NCSTN: variants seen among roughly 807,000 people sequenced by gnomAD.
NCSTN encodes the protein anterior pharynx-defective 2.
A neutral mutation model predicts 87.0 loss-of-function variants in NCSTN; 22 were observed. The ratio of observed to expected loss-of-function variants is 0.25; its 90% CI spans 0.18 to 0.36. The LOEUF is 0.36. Ranked by LOEUF, NCSTN falls within the 10% of genes least tolerant of loss-of-function variation. The pLI is 1.00. For missense variants in NCSTN, 693 were observed against 883.3 expected (o/e 0.78, Z 2.73); for synonymous variants, 306 against 327.1 (o/e 0.94, Z 0.69).
chr1:160,347,142 G>C (rs915478222), intron 2 of NCSTN, among the ~76,000 whole-genome samples: 1 of 152,216 alleles, frequency 6.6e-6, no homozygotes, highest in East Asian at 1.9e-4. Flanking sequence ...TGCCAGTACA[G>C]AGAAACAAGA....
chr1:160,353,689 C>T (rs1158247437), intron 10 of NCSTN: 1 of 985,226 alleles, frequency 1.0e-6, no homozygotes, highest in East Asian at 1.1e-4. Context: ...GGTCCTCTTT[C>T]TGCAATTCCA....
chr1:160,346,464 C>T (rs1648497017), intron 2 of NCSTN, among the ~76,000 whole-genome samples: 1 of 152,166 alleles, frequency 6.6e-6, no homozygotes, highest in African/African-American at 2.4e-5. Context: ...AGGACTTGTT[C>T]GTGGAAGCAG....
intron 3 of NCSTN, 139 bp downstream of exon 3, chr1:160,349,261 A>G (rs1648698693): frequency 8.1e-7 from 1 of 1,239,798 alleles, no homozygotes; most frequent in African/African-American, 1.5e-5. Flanking sequence ...CTCAGAAGGA[A>G]AGGTGTACCA....
chr1:160,350,453 CA>C (rs5778159), intron 5 of NCSTN, among the ~76,000 whole-genome samples: 50,413 of 98,732 alleles, frequency 0.51, 9,343 homozygotes, highest in Middle Eastern at 0.6. Flanking sequence ...CCCTGTGTCA[CA>C]AAAAAAAAAA....
chr1:160,351,105 C>A, intron 5 of NCSTN, 117 bp from the exon 6 acceptor site: 1 of 1,040,524 alleles, frequency 9.6e-7, no homozygotes, highest in Non-Finnish European at 1.5e-6. Context: ...GGATAAATGT[C>A]TCCGAAAAGG....
At chr1:160,352,307 T>A in intron 8 of NCSTN, 101 bp downstream of exon 8, 3 of 1,448,926 alleles carry the variant, frequency 2.1e-6, no homozygotes, top group Non-Finnish European at 2.9e-6. Flanking sequence ...TGACCTAAGT[T>A]GTTAACCAGC....
In NCSTN at chr1:160,356,600, G is replaced by A. The variant is rs778954199; in HGVS notation, c.1640G>A (p.Gly547Asp). 1.9e-6 allele frequency: 3 copies of A among 1,614,094 alleles called. No homozygotes were observed. Among genetic ancestry groups the A allele is most frequent in the South Asian group, 1.1e-5 (1 of 91,074 alleles). Residue 547 changes from glycine (G) to aspartate (D), a missense_variant and splice_region_variant, in exon 15 of 17, where the codon GGT (glycine) becomes GAT (aspartate). This residue lies in a region of NCSTN where 216 missense variants were observed against 311.7 expected (regional missense o/e 0.69). Transcript: ENST00000294785. The part of the protein sequence containing the change: ...ILRQDLRSYL[G>D]DGPLQHYIAV... ...TCCCTTCCCTTTGGTCTGCACTCAGGTGACGGGCCTCTTCAACATTACATC... is the reference window on the plus strand; with the variant it reads ...TCCCTTCCCTTTGGTCTGCACTCAGATGACGGGCCTCTTCAACATTACATC...
At chr1:160,351,411 G>C in intron 6 of NCSTN, 39 bp downstream of exon 6, 1 of 1,605,816 alleles carries the variant, frequency 6.2e-7, no homozygotes, top group Non-Finnish European at 8.5e-7. Context: ...TGGAATAAGG[G>C]GCAGAGGGAG....
intron 1 of NCSTN, chr1:160,343,846 C>T (rs1430498869): frequency 9.7e-6 from 5 of 516,828 alleles, no homozygotes; most frequent in Admixed American, 7.0e-5. Context: ...CTTTTTGAGA[C>T]GAAAGCAATC....
rs933097101 is a variant in NCSTN, at chr1:160,349,463, C to G, written c.315-86C>G. On this transcript the variant is annotated intron_variant, in intron 3 of 16. Transcript: ENST00000294785. ...AGTCAACAGTTTGATTCCCCTAGTT[C>G]CCCATTTGTTTCCATCCTGCAGGCA... 3.9e-6 allele frequency: 6 copies of G among 1,536,716 alleles called. No individual in the cohort carries two copies. The African/African-American group carries it at 5.5e-5, about 14-fold the overall frequency.
chr1:160,354,856 G>A (rs1446881681), intron 11 of NCSTN, among the ~76,000 whole-genome samples: 1 of 152,060 alleles, frequency 6.6e-6, no homozygotes, highest in East Asian at 1.9e-4. Flanking sequence ...GGATAACAGG[G>A]GACTTCTTAC....
At chr1:160,349,446 G>A in intron 3 of NCSTN, 103 bp from the exon 4 acceptor site, 1 of 1,468,808 alleles carries the variant, frequency 6.8e-7, no homozygotes, top group African/African-American at 1.4e-5. Flanking sequence ...TAAGTCAACA[G>A]TTTGATTCCC....
chr1:160,354,157 G>A lies in NCSTN; in HGVS notation c.1219G>A (p.Gly407Ser). The change falls in exon 11 of 17, where the codon GGT (glycine) becomes AGT (serine). Residue 407 changes from glycine to serine, a missense_variant. Gly to Ser is a moderately conservative substitution (Grantham distance 56). Transcript: ENST00000294785. ...GGCCACATTGGAGAAGAGTGGTGCTGGTGTCCCTGCTGTCATCCTCAGGAG... is the reference window on the plus strand; with the variant it reads ...GGCCACATTGGAGAAGAGTGGTGCTAGTGTCCCTGCTGTCATCCTCAGGAG... The part of the protein sequence containing the change: ...LLATLEKSGA[G>S]VPAVILRRPN... 6.2e-7 allele frequency: 1 copy of A among 1,614,128 alleles called. No individual in the cohort carries two copies. Among genetic ancestry groups the A allele is most frequent in the Non-Finnish European group, 8.5e-7 (1 of 1,180,022 alleles).
chr1:160,356,328 G>A lies in NCSTN; in HGVS notation c.1620G>A (p.Gln540=). The A allele has an allele frequency of 6.2e-7, 1 of 1,612,662 alleles. No individual in the cohort carries two copies. Among genetic ancestry groups the A allele is most frequent in the South Asian group, 1.1e-5 (1 of 91,054 alleles). ...NNSWFQSILR[Q]DLRSYLGDGP... is the part of the protein sequence containing the mutation. ...CATGGTTCCAGTCTATCCTCAGGCA[G>A]GACCTAAGGTCCTACTTGGGTAAGC... is the stretch of plus-strand genomic sequence containing the variant. Residue 540 remains glutamine, a synonymous_variant, in exon 14 of 17, where the codon CAG becomes CAA. Coordinates refer to ENST00000294785, the MANE Select transcript of NCSTN (RefSeq NM_015331.3).
intron 6 of NCSTN, 55 bp from the exon 7 acceptor site, chr1:160,351,641 A>C: frequency 6.8e-7 from 1 of 1,471,892 alleles, no homozygotes; most frequent in Non-Finnish European, 9.5e-7. Flanking sequence ...TGTTGCCTTT[A>C]TAGCTACCTT....
intron 9 of NCSTN, 23 bp downstream of exon 9, chr1:160,353,014 C>T: frequency 6.2e-7 from 1 of 1,603,036 alleles, no homozygotes; most frequent in Non-Finnish European, 8.5e-7. Context: ...TCCCCCAGCC[C>T]CTTCCTTTTT....
intron 8 of NCSTN, 43 bp downstream of exon 8, chr1:160,352,249 G>A: frequency 6.2e-7 from 1 of 1,612,324 alleles, no homozygotes; most frequent in Non-Finnish European, 8.5e-7. Context: ...GGAAGAAAGA[G>A]GATAGTAAAG....
chr1:160,350,710 G>A (rs547150196), intron 5 of NCSTN, among the ~76,000 whole-genome samples: 2 of 145,862 alleles, frequency 1.4e-5, no homozygotes, highest in Non-Finnish European at 2.9e-5. Context: ...CACTAGTATC[G>A]TTAAAAAAAA....
chr1:160,343,847 G>GA (rs1195108644), intron 1 of NCSTN: 3 of 519,720 alleles, frequency 5.8e-6, no homozygotes. Context: ...TTTTTGAGAC[G>GA]AAAGCAATCT....
Sources: allele counts gnomAD v4.1 joint callset (sites outside exome capture counted in the v4.1 genomes callset), GRCh38; gene constraint gnomAD v4.1.1; regional missense constraint gnomAD v4.1.1; transcripts MANE v1.5; gene names NCBI Gene and HGNC (gene_info 2026-07-23, HGNC 2026-07-21).